PHIP: variants seen among roughly 807,000 people sequenced by gnomAD.
PHIP encodes the protein PHIP subunit of CUL4-Ring ligase complex, also known as PH-interacting protein.
Under a neutral mutation model 236.8 loss-of-function variants are expected in PHIP, and 54 were observed. The observed-to-expected ratio is 0.23, with a 90% CI of 0.18 to 0.29. PHIP has a LOEUF of 0.29. PHIP is among the 10% of genes least tolerant of loss of function. The pLI is 1.00. For synonymous variants in PHIP, 756 were observed against 718.9 expected, an observed-to-expected ratio of 1.05 and a Z score of -0.83; for missense variants, 1,370 against 2,190.8, an observed-to-expected ratio of 0.63 and a Z score of 7.48.
chr6:79,014,084 T>TTTTTTTTTTTTTTTTTTTTTTTG (rs1192416098), intron 15 of PHIP, among the ~76,000 whole-genome samples: 1 of 151,376 alleles, frequency 6.6e-6, no homozygotes, highest in Non-Finnish European at 1.5e-5. Flanking sequence ...CCTTATTTCT[T>TTTTTTTTTTTTTTTTTTTTTTTG]ACCTAATGTA....
At chr6:79,032,867 C>T (rs542482232) in intron 7 of PHIP, among the ~76,000 whole-genome samples, 7 of 152,028 alleles carry the variant, frequency 4.6e-5, no homozygotes, top group Admixed American at 6.6e-5. Context: ...AATTACTATC[C>T]ATGACAGCTA....
intron 17 of PHIP, 78 bp downstream of exon 17, chr6:79,001,821 A>G: frequency 5.6e-6 from 5 of 890,170 alleles, no homozygotes; most frequent in Non-Finnish European, 9.3e-6. Context: ...AACTGCAAAC[A>G]AAGTTTTACT....
Position 78,988,284 on chromosome 6 carries a change from A to G in PHIP, c.2385T>C (p.Asn795=). 6.2e-7 allele frequency: 1 copy of G among 1,607,518 alleles called. No homozygotes were observed. The highest frequency in any genetic ancestry group is 8.5e-7 in the Non-Finnish European group (1 of 1,175,110). ...CTTCCAATGCAGATCTTGTACGATAATTGTGTTGATTTGTCTGTTGCTTTT... is the reference window on the plus strand; with the variant it reads ...CTTCCAATGCAGATCTTGTACGATAGTTGTGTTGATTTGTCTGTTGCTTTT... The part of the protein sequence containing the change: ...ESKKQQTNQH[N]YRTRSALEET... The change falls in exon 21 of 40, where the codon AAT becomes AAC. Residue 795 remains asparagine, a synonymous_variant. Coordinates refer to ENST00000275034, the MANE Select transcript of PHIP (RefSeq NM_017934.7).
At chr6:79,036,399 G>A (rs1218721195) in intron 7 of PHIP, among the ~76,000 whole-genome samples, 1 of 150,642 alleles carries the variant, frequency 6.6e-6, no homozygotes, top group East Asian at 1.9e-4. Context: ...TCCTCTAAAT[G>A]ACCATACTCT....
chr6:78,960,271 T>C (rs1471151088), intron 31 of PHIP, among the ~76,000 whole-genome samples: 9 of 152,154 alleles, frequency 5.9e-5, no homozygotes, highest in Non-Finnish European at 1.3e-4. Flanking sequence ...TACAACAATA[T>C]TGGAAGACAT....
intron 39 of PHIP, among the ~76,000 whole-genome samples, chr6:78,944,795 A>G (rs1375297721): frequency 6.6e-6 from 1 of 152,230 alleles, no homozygotes; most frequent in Non-Finnish European, 1.5e-5. Flanking sequence ...ATATTATTTT[A>G]ACATGTCACA....
intron 4 of PHIP, among the ~76,000 whole-genome samples, chr6:79,066,178 C>T (rs1180263793): frequency 6.6e-6 from 1 of 152,042 alleles, no homozygotes; most frequent in Non-Finnish European, 1.5e-5. Flanking sequence ...CTTTCTGTGA[C>T]CCTAAGTGCT....
At chr6:79,060,629 GATAA>G in intron 5 of PHIP, 35 bp downstream of exon 5, 3 of 1,607,734 alleles carry the variant, frequency 1.9e-6, no homozygotes, top group Non-Finnish European at 2.6e-6. Context: ...ACAAAAGTGA[GATAA>G]ATAATGTCTA....
intron 21 of PHIP, 84 bp from the exon 22 acceptor site, chr6:78,985,512 T>C: frequency 2.5e-6 from 2 of 797,890 alleles, no homozygotes; most frequent in Non-Finnish European, 4.5e-6. Context: ...TGATATCTTA[T>C]AATATCAGTC....
rs1773381287 is a variant in PHIP at position 78,939,279 on chromosome 6, AAAT to A, written c.*1411_*1413del. 1 of 151,762 alleles carries A rather than the reference AAAT, an allele frequency of 6.6e-6. No homozygotes were observed. The highest frequency in any genetic ancestry group is 2.4e-5 in the African/African-American group (1 of 41,410). 9.4% of individuals were successfully genotyped at this position (151,762 alleles called of 1,614,324 possible). On this transcript the variant is annotated 3_prime_UTR_variant, in exon 40 of 40. Coordinates refer to ENST00000275034, the MANE Select transcript of PHIP (RefSeq NM_017934.7). The stretch of plus-strand genomic sequence containing the variant: ...AACTTAATTTTACTAATGATGCAAA[AAAT>A]AATAGAATACAAGGCACAATCATTA...
chr6:78,974,433 C>T (rs1236146184), intron 24 of PHIP, among the ~76,000 whole-genome samples: 1 of 151,350 alleles, frequency 6.6e-6, no homozygotes, highest in East Asian at 1.9e-4. Context: ...AGGAAAGATC[C>T]AAAATTGACA....
intron 30 of PHIP, among the ~76,000 whole-genome samples, chr6:78,962,502 CTCT>C (rs138766751): frequency 0.018 from 2,738 of 152,194 alleles, 89 homozygotes; most frequent in African/African-American, 0.061. Flanking sequence ...GTCCATCCAG[CTCT>C]TCTTACTCAT....
intron 26 of PHIP, 21 bp downstream of exon 26, chr6:78,970,027 TG>T (rs749154652): frequency 1.9e-6 from 3 of 1,610,564 alleles, no homozygotes; most frequent in Admixed American, 1.7e-5. Flanking sequence ...AGAAAACCAT[TG>T]CCTCTTTCAA....
At chr6:79,042,122 TATC>T (rs1303668332) in intron 7 of PHIP, among the ~76,000 whole-genome samples, 4 of 152,028 alleles carry the variant, frequency 2.6e-5, no homozygotes, top group Admixed American at 2.0e-4. Context: ...TAATAATAAA[TATC>T]ATCATAATAG....
chr6:79,051,687 A>G (rs1424724943), intron 6 of PHIP, among the ~76,000 whole-genome samples: 1 of 152,144 alleles, frequency 6.6e-6, no homozygotes, highest in East Asian at 1.9e-4. Flanking sequence ...GTAAGCAAAA[A>G]ATTTCATGAA....
chr6:79,019,130 G>A lies in PHIP; in HGVS notation c.953C>T (p.Pro318Leu). Residue 318 changes from proline (P) to leucine (L), a missense_variant, in exon 10 of 40, where the codon CCT (proline) becomes CTT (leucine). This residue lies in a region of PHIP where 188 missense variants were observed against 354.3 expected (regional missense o/e 0.53). Transcript: ENST00000275034. ...ACAGATCATTTGAACTCCAGGCCGAGGGCGCTCTGTAAATTTTGCAGGTCT... is the reference window on the plus strand; with the variant it reads ...ACAGATCATTTGAACTCCAGGCCGAAGGCGCTCTGTAAATTTTGCAGGTCT... ...NPRPAKFTER[P>L]RPGVQMICSS... 6.2e-7 allele frequency: 1 copy of A among 1,612,664 alleles called. No individual in the cohort carries two copies. The highest frequency in any genetic ancestry group is 8.5e-7 in the Non-Finnish European group (1 of 1,178,936).
intron 6 of PHIP, among the ~76,000 whole-genome samples, chr6:79,049,630 G>A (rs1367112967): frequency 1.3e-5 from 2 of 152,118 alleles, no homozygotes; most frequent in African/African-American, 4.8e-5. Flanking sequence ...GGAACTCCAT[G>A]ACACTAAAAT....
rs1772853828 is a variant in PHIP, at chr6:79,052,627, C to CA, written c.439+7850dup. On this transcript the variant is annotated intron_variant, in intron 6 of 39. Transcript: ENST00000275034. ...TAAGTAAAAGCAAAAGCTAACTTTG[C>CA]AAAAAAATCAAAGGGTTCTGAAAAC... Among the ~76,000 whole-genome samples the CA allele has an allele frequency of 2.6e-5, 4 of 151,894 alleles. No homozygotes were observed. The South Asian group carries it at 6.2e-4, about 24-fold the overall frequency.
chr6:79,076,855 T>C (rs993442058), intron 4 of PHIP, among the ~76,000 whole-genome samples: 3 of 151,360 alleles, frequency 2.0e-5, no homozygotes, highest in African/African-American at 7.3e-5. Context: ...CCAACTATCA[T>C]CACACATCAG....
Sources: gnomAD v4.1 joint callset for allele counts (sites outside exome capture counted in the v4.1 genomes callset) on GRCh38, gnomAD v4.1.1 for gene constraint, gnomAD v4.1.1 regional missense constraint, MANE v1.5 for transcripts, NCBI Gene and HGNC (gene_info 2026-07-23, HGNC 2026-07-21) for gene names.